GNG2: variants seen among roughly 807,000 people sequenced by gnomAD.
GNG2 encodes G protein subunit gamma 2, also known as guanine nucleotide-binding protein G(I)/G(S)/G(O) subunit gamma-2.
GNG2 carries 5 observed loss-of-function variants against 5.5 expected under a neutral mutation model. The observed-to-expected ratio is 0.91, with a 90% CI of 0.48 to 1.92. The LOEUF (loss-of-function observed/expected upper bound fraction) is 1.92. Ranked by LOEUF, GNG2 falls within the 30% of genes most tolerant of loss-of-function variation. The probability of loss-of-function intolerance (pLI) is 0.01; values close to 1 mark genes in which losing one functional copy is unlikely to be tolerated. For synonymous variants in GNG2, 28 were observed against 32.0 expected, an observed-to-expected ratio of 0.88 and a Z score of 0.42; for missense variants, 55 against 88.4, an observed-to-expected ratio of 0.62 and a Z score of 1.52.
At chr14:51,952,162 T>G in intron 3 of GNG2, 1 of 425,278 alleles carries the variant, frequency 2.4e-6, no homozygotes, top group Non-Finnish European at 4.2e-6. Context: ...GAGAGAGCTC[T>G]TCTTTCTCTA....
chr14:51,862,139 T>C (rs1053703571), intron 1 of GNG2, among the ~76,000 whole-genome samples: 29 of 152,184 alleles, frequency 1.9e-4, no homozygotes, highest in Admixed American at 1.6e-3. Context: ...ATATGGCTTC[T>C]CAAAATCTGT....
chr14:51,871,331 C>CA (rs5808638), intron 1 of GNG2, among the ~76,000 whole-genome samples: 74,943 of 145,084 alleles, frequency 0.52, 19,388 homozygotes, highest in African/African-American at 0.61. Flanking sequence ...AATTCCTAGG[C>CA]AAAAAAAAAA....
chr14:51,907,850 G>A (rs770659314), intron 2 of GNG2, among the ~76,000 whole-genome samples: 5 of 152,166 alleles, frequency 3.3e-5, no homozygotes, highest in African/African-American at 9.7e-5. Flanking sequence ...GGTCTTTACC[G>A]ATTTAGGTTG....
At chr14:51,916,413 G>A (rs1324160944) in intron 2 of GNG2, 2 of 447,558 alleles carry the variant, frequency 4.5e-6, no homozygotes, top group East Asian at 1.4e-4. Context: ...CTTCCCACGA[G>A]GACCTATTTT....
chr14:51,965,481 C>T (rs1889841689), intron 3 of GNG2, among the ~76,000 whole-genome samples: 1 of 152,082 alleles, frequency 6.6e-6, no homozygotes, highest in Non-Finnish European at 1.5e-5. Flanking sequence ...AAAATTTCCT[C>T]TGGTGAAGAT....
intron 2 of GNG2, among the ~76,000 whole-genome samples, chr14:51,947,269 A>C (rs995070478): frequency 2.0e-5 from 3 of 152,234 alleles, no homozygotes; most frequent in Non-Finnish European, 4.4e-5. Flanking sequence ...ACCTAGAAAT[A>C]CATTATGTCA....
At chr14:51,950,513 C>T (rs1000523135) in intron 2 of GNG2, 137 bp from the exon 3 acceptor site, 11 of 578,294 alleles carry the variant, frequency 1.9e-5, no homozygotes, top group African/African-American at 5.9e-5. Context: ...GAGGTAATAC[C>T]GACCAAGGAT....
exon 2 of GNG2, chr14:51,827,679 G>A (rs6572795): frequency 0.9 from 630,647 of 701,800 alleles, 288,951 homozygotes; most frequent in Non-Finnish European, 0.98. Context: ...ATTACACGCA[G>A]TGGAAAAGCA....
intron 2 of GNG2, among the ~76,000 whole-genome samples, chr14:51,846,816 T>A (rs1206848622): frequency 6.6e-6 from 1 of 152,222 alleles, no homozygotes; most frequent in Non-Finnish European, 1.5e-5. Flanking sequence ...CCATTCCTAA[T>A]TACAATTGCT....
chr14:51,852,451 G>T (rs1231655100), intron 2 of GNG2, among the ~76,000 whole-genome samples: 1 of 152,202 alleles, frequency 6.6e-6, no homozygotes, highest in Non-Finnish European at 1.5e-5. Flanking sequence ...TGAATTCTAG[G>T]ATTTCACATG....
chr14:51,855,786 G>A (rs1181195430), upstream of GNG2, among the ~76,000 whole-genome samples: 1 of 152,058 alleles, frequency 6.6e-6, no homozygotes, highest in Non-Finnish European at 1.5e-5. Context: ...GCTCCTTTCT[G>A]ATAGGAAACA....
intron 2 of GNG2, among the ~76,000 whole-genome samples, chr14:51,843,824 C>G (rs1335492014): frequency 6.6e-6 from 1 of 152,216 alleles, no homozygotes; most frequent in Non-Finnish European, 1.5e-5. Flanking sequence ...CCCACACAGC[C>G]TGGCCTTTTG....
chr14:51,829,882 A>G (rs4901162), intron 2 of GNG2, among the ~76,000 whole-genome samples: 56,830 of 146,250 alleles, frequency 0.39, 11,448 homozygotes, highest in Non-Finnish European at 0.43. Context: ...TCACTCTGTC[A>G]CCCAGGTTGG....
chr14:51,889,828 T>C (rs921539240), intron 2 of GNG2, among the ~76,000 whole-genome samples: 3 of 152,208 alleles, frequency 2.0e-5, no homozygotes, highest in Non-Finnish European at 4.4e-5. Context: ...AAAGGCCCTG[T>C]AGCTACTTTG....
At chr14:51,945,784 G>GTGTATT (rs1566705816) in intron 2 of GNG2, among the ~76,000 whole-genome samples, 2 of 116,232 alleles carry the variant, frequency 1.7e-5, no homozygotes, top group African/African-American at 6.8e-5. Context: ...GTATGTGTAT[G>GTGTATT]TGTATGTGTG....
At chr14:51,943,063 A>G (rs1459098253) in intron 2 of GNG2, among the ~76,000 whole-genome samples, 3 of 152,110 alleles carry the variant, frequency 2.0e-5, no homozygotes, top group Non-Finnish European at 4.4e-5. Flanking sequence ...ATCAACTCCT[A>G]GAAAAAGTGA....
At chr14:51,875,545 T>C (rs1484691424) in intron 1 of GNG2, among the ~76,000 whole-genome samples, 1 of 152,120 alleles carries the variant, frequency 6.6e-6, no homozygotes, top group Admixed American at 6.5e-5. Flanking sequence ...AGGAAATATA[T>C]TGTTTAGATT....
At chr14:51,877,779 A>G (rs1883774005) in intron 2 of GNG2, 122 bp downstream of exon 2, 1 of 325,358 alleles carries the variant, frequency 3.1e-6, no homozygotes, top group Non-Finnish European at 6.2e-6. Context: ...AAACAGTCAT[A>G]GAGTCCTTAT....
Position 51,953,118 on chromosome 14 carries a change from T to G in GNG2, c.87+2353T>G, listed in dbSNP as rs1308887488. ...TTACTTACCTTACTTTACTTAACAC[T>G]TGACTGCATTGACTCATTAAAGATT... On this transcript the variant is annotated intron_variant, in intron 3 of 3. Transcript: ENST00000556766. Among the ~76,000 whole-genome samples the G allele has an allele frequency of 2.6e-5, 4 of 152,222 alleles. No homozygotes were observed. The East Asian group carries it at 7.7e-4, about 29-fold the overall frequency.
Sources: gnomAD v4.1 joint callset for allele counts (sites outside exome capture counted in the v4.1 genomes callset) on GRCh38, gnomAD v4.1.1 for gene constraint, MANE v1.5 for transcripts, NCBI Gene and HGNC (gene_info 2026-07-23, HGNC 2026-07-21) for gene names.